Variants in LARP1B observed in about 807,000 individuals in gnomAD.
The protein encoded by LARP1B is la-related protein 1B.
A neutral mutation model predicts 114.2 loss-of-function variants in LARP1B; 76 were observed. The observed-to-expected ratio is 0.67, with a 90% CI of 0.55 to 0.81. LARP1B has a LOEUF of 0.81. Among genes scored for constraint, LARP1B ranks in the 30% least tolerant of loss-of-function variants. The pLI is 0.00. For synonymous variants in LARP1B, 345 were observed against 348.0 expected, an observed-to-expected ratio of 0.99 and a Z score of 0.10; for missense variants, 1,014 against 1,075.8, an observed-to-expected ratio of 0.94 and a Z score of 0.80.
intron 11 of LARP1B, among the ~76,000 whole-genome samples, chr4:128,126,215 A>G (rs1257739369): frequency 3.5e-5 from 5 of 144,190 alleles, no homozygotes; most frequent in Admixed American, 1.4e-4. Context: ...TCCGCCTCCC[A>G]GGTTCAAGTG....
chr4:128,219,838 T>C (rs1429941708), intron 6 of LARP1B, among the ~76,000 whole-genome samples: 1 of 148,232 alleles, frequency 6.7e-6, no homozygotes, highest in African/African-American at 2.5e-5. Flanking sequence ...TAAATGGAAT[T>C]AGGAAGGGGG....
chr4:128,118,479 G>C (rs1179886007), intron 10 of LARP1B, among the ~76,000 whole-genome samples: 2 of 150,702 alleles, frequency 1.3e-5, no homozygotes, highest in Non-Finnish European at 3.0e-5. Context: ...CTCGTGATCC[G>C]CCCGCCTCAG....
intron 11 of LARP1B, among the ~76,000 whole-genome samples, chr4:128,136,857 C>T (rs1271914309): frequency 6.6e-6 from 1 of 152,102 alleles, no homozygotes; most frequent in Non-Finnish European, 1.5e-5. Flanking sequence ...TGGCCTTGCC[C>T]TCCCAAAGTG....
intron 11 of LARP1B, among the ~76,000 whole-genome samples, chr4:128,146,404 T>A (rs962121409): frequency 1.3e-5 from 2 of 152,210 alleles, no homozygotes; most frequent in African/African-American, 4.8e-5. Context: ...AGGACTTTGT[T>A]ATACTATTCT....
chr4:128,107,810 T>A, intron 9 of LARP1B: 1 of 1,531,594 alleles, frequency 6.5e-7, no homozygotes, highest in East Asian at 2.4e-5. Flanking sequence ...AGATTTAATG[T>A]TAATAATTTT....
Position 128,101,769 on chromosome 4 carries a change from C to T in LARP1B, c.813+3439C>T, listed in dbSNP as rs146717260. 1.5e-3 allele frequency among the ~76,000 whole-genome samples: 233 copies of T among 152,124 alleles called. 7 individuals are homozygous for T. In the East Asian group the frequency reaches 0.037, roughly 24 times the overall value. On this transcript the variant is annotated intron_variant, in intron 8 of 19. Transcript: ENST00000326639. ...TGCTGGGATTACAGGCATGAGCTAC[C>T]GCCGCCGGCATTAGAATGAGTTTAT...
chr4:128,066,883 C>A (rs1009707809), intron 1 of LARP1B, among the ~76,000 whole-genome samples: 1 of 151,478 alleles, frequency 6.6e-6, no homozygotes, highest in African/African-American at 2.4e-5. Context: ...TGCAACCCCC[C>A]ACCTCCCAGG....
At chr4:128,141,995 A>C (rs13138581) in intron 11 of LARP1B, among the ~76,000 whole-genome samples, 90,020 of 152,026 alleles carry the variant, frequency 0.59, 27,776 homozygotes, top group Middle Eastern at 0.8. Flanking sequence ...AAAGGTGGAC[A>C]TGCTGTACAC....
intron 15 of LARP1B, among the ~76,000 whole-genome samples, chr4:128,188,082 T>C (rs1750939325): frequency 6.6e-6 from 1 of 152,120 alleles, no homozygotes; most frequent in South Asian, 2.1e-4. Flanking sequence ...GGGTATTTTT[T>C]TTTTTTTTTG....
chr4:128,140,056 A>G (rs1179669119), intron 11 of LARP1B, among the ~76,000 whole-genome samples: 1 of 152,268 alleles, frequency 6.6e-6, no homozygotes, highest in Non-Finnish European at 1.5e-5. Context: ...TTGAAGACTT[A>G]GTAACAAAAA....
chr4:128,193,073 A>G (rs988317612), intron 15 of LARP1B, among the ~76,000 whole-genome samples: 7 of 152,156 alleles, frequency 4.6e-5, no homozygotes, highest in African/African-American at 4.8e-5. Flanking sequence ...GGCTCAAGCA[A>G]TTCTCCTGCC....
At chr4:128,195,942 C>A (rs540347576) in intron 15 of LARP1B, among the ~76,000 whole-genome samples, 15 of 152,126 alleles carry the variant, frequency 9.9e-5, no homozygotes, top group African/African-American at 3.6e-4. Context: ...GTTGACCTTA[C>A]AGAGATAAAA....
Position 128,210,222 on chromosome 4 carries a change from G to A in LARP1B, c.*169G>A. ...AGAAAGAAGAAAAAGAAAGAAAAGTGGTAGCATTTTTTCTAACAAGATAAA... is the reference window on the plus strand; with the variant it reads ...AGAAAGAAGAAAAAGAAAGAAAAGTAGTAGCATTTTTTCTAACAAGATAAA... On this transcript the variant is annotated 3_prime_UTR_variant, in exon 20 of 20. Coordinates refer to ENST00000326639, the MANE Select transcript of LARP1B (RefSeq NM_018078.4). 1 of 1,413,144 alleles carries A rather than the reference G, an allele frequency of 7.1e-7. No homozygotes were observed. Among genetic ancestry groups the A allele is most frequent in the Non-Finnish European group, 9.2e-7 (1 of 1,087,290 alleles). 87.5% of individuals were successfully genotyped at this position (1,413,144 alleles called of 1,614,324 possible). A position where few individuals can be genotyped will look rare whatever the true frequency, so the allele number is the denominator to read the frequency against.
chr4:128,181,180 C>CTTTTTTTTTTTTTTTTTTT (rs70966086), intron 15 of LARP1B, among the ~76,000 whole-genome samples: 2 of 130,000 alleles, frequency 1.5e-5, no homozygotes. Context: ...CTCATCCATT[C>CTTTTTTTTTTTTTTTTTTT]TTTTTTTTTT....
chr4:128,129,961 T>A (rs951502181), intron 11 of LARP1B, among the ~76,000 whole-genome samples: 1 of 152,200 alleles, frequency 6.6e-6, no homozygotes, highest in Non-Finnish European at 1.5e-5. Context: ...TTATCATGAC[T>A]TTTTAGATTC....
intron 7 of LARP1B, chr4:128,092,907 T>G (rs1338896876): frequency 1.0e-6 from 1 of 985,310 alleles, no homozygotes; most frequent in African/African-American, 1.7e-5. Flanking sequence ...GACCTGACAG[T>G]GGACATGCAA....
Position 128,125,209 on chromosome 4 carries a change from CGGGTAAAAA to C in LARP1B, c.1524+3022_1524+3030del, listed in dbSNP as rs143857599. On this transcript the variant is annotated intron_variant, in intron 11 of 19. Coordinates refer to ENST00000326639, the MANE Select transcript of LARP1B (RefSeq NM_018078.4). ...GACCCTTTGTAGAAGCTACCCAAAACGGGTAAAAACCATAAACTCAGGGACCATTCAAAA... is the reference window on the plus strand; with the variant it reads ...GACCCTTTGTAGAAGCTACCCAAAACCCATAAACTCAGGGACCATTCAAAA... Among the ~76,000 whole-genome samples the C allele has an allele frequency of 8.1e-3, 1,233 of 152,236 alleles. 18 individuals are homozygous for C. The highest frequency in any genetic ancestry group is 0.028 in the African/African-American group (1,165 of 41,534).
chr4:128,073,756 A>G lies in LARP1B; in HGVS notation c.-77-704A>G, dbSNP rs1029018921. Among the ~76,000 whole-genome samples, 9 of 147,408 alleles carry G rather than the reference A, an allele frequency of 6.1e-5. No individual in the cohort carries two copies. The East Asian group carries it at 8.4e-4, about 14-fold the overall frequency. On this transcript the variant is annotated intron_variant, in intron 1 of 19. Coordinates refer to ENST00000326639, the MANE Select transcript of LARP1B (RefSeq NM_018078.4). ...TGGGCATGTGCTACCACACTGGGCT[A>G]ATTTTTCTATTTTTAGTAGAGATGG...
chr4:128,204,736 A>T lies in LARP1B; in HGVS notation c.2310-1692A>T, dbSNP rs1264911249. Among the ~76,000 whole-genome samples the T allele has an allele frequency of 3.3e-5, 5 of 152,076 alleles. No homozygotes were observed. In the East Asian group the frequency reaches 9.6e-4, roughly 29 times the overall value. Reference sequence around the variant, plus strand: ...AATTGAATTGTTTGTAACTCAAAGGATAAATGCTTGAGGGGATGGATACTC... The same window carrying T: ...AATTGAATTGTTTGTAACTCAAAGGTTAAATGCTTGAGGGGATGGATACTC... On this transcript the variant is annotated intron_variant, in intron 17 of 19. Coordinates refer to ENST00000326639, the MANE Select transcript of LARP1B (RefSeq NM_018078.4).
Sources: gnomAD v4.1 joint callset for allele counts (sites outside exome capture counted in the v4.1 genomes callset) on GRCh38, gnomAD v4.1.1 for gene constraint, MANE v1.5 for transcripts, NCBI Gene and HGNC (gene_info 2026-07-23, HGNC 2026-07-21) for gene names.